Variants in MTBP observed in about 807,000 individuals in gnomAD.
The protein encoded by MTBP is mdm2-binding protein.
A neutral mutation model predicts 117.0 loss-of-function variants in MTBP; 101 were observed. The observed-to-expected ratio is 0.86, with a 90% confidence interval of 0.73 to 1.02. MTBP has a LOEUF of 1.02. Ranked by LOEUF, MTBP falls within the 50% of genes least tolerant of loss-of-function variation. The pLI is 0.00. For synonymous variants in MTBP, 350 were observed against 351.5 expected, an observed-to-expected ratio of 1.00 and a Z score of 0.05; for missense variants, 970 against 1,030.9, an observed-to-expected ratio of 0.94 and a Z score of 0.81.
chr8:120,467,132 G>A (rs1813714079), intron 10 of MTBP, among the ~76,000 whole-genome samples: 1 of 152,134 alleles, frequency 6.6e-6, no homozygotes, highest in African/African-American at 2.4e-5. Flanking sequence ...ACTTCTTGGA[G>A]TAAAGCTTAT....
intron 13 of MTBP, among the ~76,000 whole-genome samples, chr8:120,495,482 G>C (rs1814432822): frequency 6.6e-6 from 1 of 151,998 alleles, no homozygotes; most frequent in African/African-American, 2.4e-5. Flanking sequence ...ATTTAAATGG[G>C]AGAGTCATAT....
At chr8:120,481,756 A>G (rs1309558533) in intron 11 of MTBP, among the ~76,000 whole-genome samples, 2 of 152,208 alleles carry the variant, frequency 1.3e-5, no homozygotes, top group Admixed American at 6.5e-5. Context: ...AGACTTTAAT[A>G]TATATGTACA....
At chr8:120,455,241 A>C (rs1258460511) in intron 5 of MTBP, among the ~76,000 whole-genome samples, 194 bp from the exon 6 acceptor site, 1 of 152,032 alleles carries the variant, frequency 6.6e-6, no homozygotes, top group Non-Finnish European at 1.5e-5. Flanking sequence ...ACATTTAAAA[A>C]GTTTGAATTC....
At chr8:120,480,358 C>T (rs1586953586) in intron 11 of MTBP, among the ~76,000 whole-genome samples, 2 of 151,870 alleles carry the variant, frequency 1.3e-5, no homozygotes, top group Admixed American at 6.6e-5. Context: ...TGCAGTGAGC[C>T]GAGATCACGC....
chr8:120,484,747 A>G (rs933748070), intron 11 of MTBP, among the ~76,000 whole-genome samples: 1 of 152,188 alleles, frequency 6.6e-6, no homozygotes. Context: ...ACCACAGTCA[A>G]GTTTAGGGCA....
intron 11 of MTBP, among the ~76,000 whole-genome samples, chr8:120,483,561 A>G (rs1172001786): frequency 1.3e-5 from 2 of 152,154 alleles, no homozygotes; most frequent in African/African-American, 4.8e-5. Flanking sequence ...GAGTATTATA[A>G]GGTTTTAAGA....
chr8:120,461,070 A>T (rs1813572859), intron 8 of MTBP, 91 bp from the exon 9 acceptor site: 1 of 923,266 alleles, frequency 1.1e-6, no homozygotes, highest in Non-Finnish European at 1.6e-6. Context: ...GCTTTTTAAG[A>T]TCCATTTTAA....
chr8:120,477,412 T>G (rs1322648108), intron 11 of MTBP, among the ~76,000 whole-genome samples: 1 of 152,114 alleles, frequency 6.6e-6, no homozygotes, highest in East Asian at 1.9e-4. Context: ...AGGATCTAAT[T>G]AAACTAAAGA....
At chr8:120,520,739 T>C (rs190025876) in intron 20 of MTBP, among the ~76,000 whole-genome samples, 33 of 152,108 alleles carry the variant, frequency 2.2e-4, no homozygotes, top group African/African-American at 7.2e-4. Context: ...TGCTAGAAGA[T>C]AGTAGAAAAG....
intron 9 of MTBP, among the ~76,000 whole-genome samples, 183 bp from the exon 10 acceptor site, chr8:120,463,509 A>C (rs911480920): frequency 2.0e-5 from 3 of 152,148 alleles, no homozygotes; most frequent in African/African-American, 7.2e-5. Context: ...TATTTTCAGA[A>C]TCAAACAAAT....
At chr8:120,453,439 C>T (rs765015264) in intron 4 of MTBP, among the ~76,000 whole-genome samples, 1 of 151,806 alleles carries the variant, frequency 6.6e-6, no homozygotes, top group Non-Finnish European at 1.5e-5. Context: ...AGAGTCAGAC[C>T]CTGTCTCAAA....
intron 11 of MTBP, among the ~76,000 whole-genome samples, chr8:120,481,275 G>A (rs1193899644): frequency 6.6e-6 from 1 of 152,194 alleles, no homozygotes; most frequent in East Asian, 1.9e-4. Context: ...CAGTTTGACA[G>A]TTAAACTTGC....
At chr8:120,513,600 A>T (rs1303988702) in intron 17 of MTBP, among the ~76,000 whole-genome samples, 1 of 152,058 alleles carries the variant, frequency 6.6e-6, no homozygotes, top group East Asian at 1.9e-4. Flanking sequence ...AAGCTATGAC[A>T]CTATGAACAG....
chr8:120,504,199 A>C (rs752904708), intron 15 of MTBP, among the ~76,000 whole-genome samples: 3 of 152,160 alleles, frequency 2.0e-5, no homozygotes, highest in Non-Finnish European at 4.4e-5. Context: ...AGGAGAAGAC[A>C]AGAAAGAAGA....
intron 9 of MTBP, among the ~76,000 whole-genome samples, chr8:120,462,009 A>C (rs778431544): frequency 2.0e-5 from 3 of 152,142 alleles, no homozygotes; most frequent in African/African-American, 7.2e-5. Context: ...CCAGCTGAGA[A>C]CTGTTTGTAG....
intron 13 of MTBP, among the ~76,000 whole-genome samples, chr8:120,495,727 G>A (rs1361126519): frequency 2.6e-5 from 4 of 151,704 alleles, no homozygotes; most frequent in Non-Finnish European, 5.9e-5. Flanking sequence ...TGTTTCGTGT[G>A]CTTAATTTTA....
At chr8:120,476,191 C>T (rs1284272694) in intron 11 of MTBP, among the ~76,000 whole-genome samples, 5 of 151,846 alleles carry the variant, frequency 3.3e-5, no homozygotes, top group Non-Finnish European at 4.4e-5. Context: ...TTTCGGCCTT[C>T]GATAAACTTA....
chr8:120,493,538 T>C (rs1372590822), intron 13 of MTBP, among the ~76,000 whole-genome samples: 2 of 151,918 alleles, frequency 1.3e-5, no homozygotes, highest in South Asian at 4.2e-4. Context: ...TCACCCAGGC[T>C]GGAGTGCAGT....
intron 10 of MTBP, 24 bp downstream of exon 10, chr8:120,463,785 T>TTTTG (rs772896388): frequency 1.2e-6 from 2 of 1,600,462 alleles, no homozygotes; most frequent in South Asian, 1.1e-5. Flanking sequence ...CTTGGGGGTT[T>TTTTG]TTTGTTTGTT....
Sources: gnomAD v4.1 joint callset for allele counts (sites outside exome capture counted in the v4.1 genomes callset) on GRCh38, gnomAD v4.1.1 for gene constraint, MANE v1.5 for transcripts, NCBI Gene and HGNC (gene_info 2026-07-23, HGNC 2026-07-21) for gene names.